Variants in LRRC28 observed in about 807,000 individuals in gnomAD.
LRRC28 encodes leucine-rich repeat-containing protein 28.
A neutral mutation model predicts 45.7 loss-of-function variants in LRRC28; 39 were observed. That is an observed-to-expected ratio of 0.85 (90% CI 0.66 to 1.12). LRRC28 has a LOEUF of 1.12. Among genes scored for constraint, LRRC28 ranks in the 50% most tolerant of loss-of-function variants. The pLI is 0.00. For missense variants in LRRC28, 435 were observed against 438.5 expected, an observed-to-expected ratio of 0.99 and a Z score of 0.07; for synonymous variants, 206 against 178.8, an observed-to-expected ratio of 1.15 and a Z score of -1.22.
At chr15:99,263,820 A>G (rs181254717) in intron 2 of LRRC28, among the ~76,000 whole-genome samples, 1 of 151,944 alleles carries the variant, frequency 6.6e-6, no homozygotes, top group Non-Finnish European at 1.5e-5. Context: ...TGTACCCATC[A>G]CTCTTCAAGA....
chr15:99,262,622 T>G (rs1006499616), intron 2 of LRRC28, among the ~76,000 whole-genome samples: 1 of 152,122 alleles, frequency 6.6e-6, no homozygotes, highest in Admixed American at 6.5e-5. Context: ...TATCATTTAT[T>G]TGTATAGCTG....
chr15:99,349,377 G>T (rs558711482), intron 6 of LRRC28, among the ~76,000 whole-genome samples: 3 of 152,048 alleles, frequency 2.0e-5, no homozygotes, highest in South Asian at 4.2e-4. Context: ...TTGAAAAAAG[G>T]AATTATTAGC....
At chr15:99,287,403 C>CT (rs2081987900) in intron 4 of LRRC28, 109 bp downstream of exon 4, 11 of 763,554 alleles carry the variant, frequency 1.4e-5, no homozygotes, top group Admixed American at 3.7e-5. Flanking sequence ...AGCTTCAAAA[C>CT]TTTTTTCTTC....
At chr15:99,337,626 T>C (rs1229834591) in intron 6 of LRRC28, among the ~76,000 whole-genome samples, 1 of 152,236 alleles carries the variant, frequency 6.6e-6, no homozygotes, top group Non-Finnish European at 1.5e-5. Flanking sequence ...GGAGCAACTT[T>C]CCTTTGTGAA....
intron 9 of LRRC28, among the ~76,000 whole-genome samples, chr15:99,383,315 G>A (rs1243389655): frequency 1.3e-5 from 2 of 152,218 alleles, no homozygotes; most frequent in Admixed American, 6.5e-5. Flanking sequence ...CCCAGGGAAC[G>A]TGCCAGCACT....
intron 7 of LRRC28, among the ~76,000 whole-genome samples, chr15:99,358,649 TAAA>T: frequency 6.6e-6 from 1 of 151,980 alleles, no homozygotes; most frequent in Non-Finnish European, 1.5e-5. Flanking sequence ...CTTAATAGGA[TAAA>T]AAGAACAGTT....
At chr15:99,379,396 T>C (rs539005990) in intron 9 of LRRC28, among the ~76,000 whole-genome samples, 19 of 152,342 alleles carry the variant, frequency 1.2e-4, no homozygotes, top group African/African-American at 4.3e-4. Flanking sequence ...ATCCCCTTTA[T>C]CATTTTTTAT....
chr15:99,316,486 A>T (rs908037850), intron 5 of LRRC28, among the ~76,000 whole-genome samples: 1 of 152,180 alleles, frequency 6.6e-6, no homozygotes, highest in South Asian at 2.1e-4. Context: ...GGAATTAGGG[A>T]ATAAGGAAAG....
At chr15:99,347,270 T>C (rs932025249) in intron 6 of LRRC28, among the ~76,000 whole-genome samples, 24 of 151,906 alleles carry the variant, frequency 1.6e-4, no homozygotes, top group South Asian at 4.2e-4. Flanking sequence ...AGTGCAGTGG[T>C]GCTATCTCGG....
chr15:99,358,167 T>C (rs973154615), intron 7 of LRRC28, among the ~76,000 whole-genome samples: 4 of 152,110 alleles, frequency 2.6e-5, no homozygotes, highest in Admixed American at 6.6e-5. Flanking sequence ...CTTCGTAAAT[T>C]AGAAATCAAA....
chr15:99,368,046 G>A (rs905675674), intron 9 of LRRC28, among the ~76,000 whole-genome samples: 1 of 152,074 alleles, frequency 6.6e-6, no homozygotes, highest in African/African-American at 2.4e-5. Flanking sequence ...AGAGTTTTAG[G>A]AGCCATATGT....
At chr15:99,340,840 G>A (rs1278952262) in intron 6 of LRRC28, among the ~76,000 whole-genome samples, 1 of 152,138 alleles carries the variant, frequency 6.6e-6, no homozygotes, top group East Asian at 1.9e-4. Context: ...TGAAAACAGA[G>A]AAGAGAAAGT....
At chr15:99,255,852 T>C in intron 1 of LRRC28, 46 bp from the exon 2 acceptor site, 5 of 1,300,462 alleles carry the variant, frequency 3.8e-6, no homozygotes, top group Non-Finnish European at 5.2e-6. Context: ...ATGGCAATTC[T>C]TGTAAAAAAT....
At chr15:99,350,154 A>AG (rs1956831263) in intron 6 of LRRC28, among the ~76,000 whole-genome samples, 2 of 151,978 alleles carry the variant, frequency 1.3e-5, no homozygotes, top group Admixed American at 1.3e-4. Context: ...AAAAAAAAAA[A>AG]AAAAAGAAAA....
At chr15:99,379,572 G>C (rs1013900339) in intron 9 of LRRC28, among the ~76,000 whole-genome samples, 6 of 151,752 alleles carry the variant, frequency 4.0e-5, no homozygotes, top group African/African-American at 7.3e-5. Flanking sequence ...TTATTTCTTG[G>C]CTTCTGCTAG....
intron 2 of LRRC28, among the ~76,000 whole-genome samples, chr15:99,265,701 C>T (rs759358629): frequency 2.6e-5 from 4 of 152,052 alleles, no homozygotes; most frequent in East Asian, 1.9e-4. Flanking sequence ...TCCCAGGAAG[C>T]GGGTGTTTCA....
chr15:99,326,457 A>G (rs1403399154), intron 5 of LRRC28: 2 of 152,238 alleles, frequency 1.3e-5, no homozygotes, highest in Non-Finnish European at 2.9e-5. Context: ...CCTGGGGCAG[A>G]GCAAGCAAGA....
chr15:99,369,539 G>A (rs1957425554), intron 9 of LRRC28, among the ~76,000 whole-genome samples: 1 of 152,112 alleles, frequency 6.6e-6, no homozygotes, highest in Non-Finnish European at 1.5e-5. Context: ...CTTAGGCAGG[G>A]ATTCTTTATT....
In LRRC28 at chr15:99,388,629, T is replaced by A. The variant is rs958269529; in HGVS notation, c.*2527T>A. The A allele has an allele frequency of 5.3e-5, 8 of 152,220 alleles. No individual in the cohort carries two copies. The highest frequency in any genetic ancestry group is 2.0e-4 in the Admixed American group (3 of 15,292). 9.4% of individuals were successfully genotyped at this position (152,220 alleles called of 1,614,324 possible). A position where few individuals can be genotyped will look rare whatever the true frequency, so the allele number is the denominator to read the frequency against. ...AGGAGTCTTACCAACTGGAGAAAAT[T>A]TGCCTACATGCTATATATTTGAATT... On this transcript the variant is annotated 3_prime_UTR_variant, in exon 10 of 10. Coordinates refer to ENST00000301981, the MANE Select transcript of LRRC28 (RefSeq NM_144598.5).
Sources: gnomAD v4.1 joint callset for allele counts (sites outside exome capture counted in the v4.1 genomes callset) on GRCh38, gnomAD v4.1.1 for gene constraint, MANE v1.5 for transcripts, NCBI Gene and HGNC (gene_info 2026-07-23, HGNC 2026-07-21) for gene names.